Variants in KRTAP26-1 observed in about 807,000 individuals in gnomAD.
KRTAP26-1 encodes the protein keratin-associated protein 26-1.
For missense variants in KRTAP26-1, 273 were observed against 260.9 expected (o/e 1.05, Z -0.32); for synonymous variants, 111 against 103.3 (o/e 1.07, Z -0.45).
rs1981655951 is a variant in KRTAP26-1 at position 30,320,116 on chromosome 21, C to T, written c.-81G>A. The T allele has an allele frequency of 1.7e-6, 2 of 1,166,690 alleles. No individual in the cohort carries two copies. Among genetic ancestry groups the T allele is most frequent in the African/African-American group, 1.6e-5 (1 of 63,888 alleles). 72.3% of individuals were successfully genotyped at this position (1,166,690 alleles called of 1,614,324 possible). A position where few individuals can be genotyped will look rare whatever the true frequency, so the allele number is the denominator to read the frequency against. ...TGTTCTGCCCTTCCTTAGCTTGACC[C>T]TTTATTTATCCCTAGAAGGTGGTGC... is the stretch of plus-strand genomic sequence containing the variant. On this transcript the variant is annotated 5_prime_UTR_variant, in exon 1 of 1. Transcript: ENST00000360542.
rs1183803344 is a variant in KRTAP26-1, at chr21:30,319,331, AG to A, written c.*71del. ...CAGTTGCTACTAGCAAAGAAGCAAA[AG>A]TCCATGGAGTTTGAATTTTTGTTGT... On this transcript the variant is annotated 3_prime_UTR_variant, in exon 1 of 1. Transcript: ENST00000360542. 1.6e-5 allele frequency: 23 copies of A among 1,447,636 alleles called. No homozygotes were observed. The highest frequency in any genetic ancestry group is 2.0e-5 in the Non-Finnish European group (22 of 1,084,264). The allele number at this position is 1,447,636 out of a possible 1,614,324, so 89.7% of individuals were successfully genotyped here. A position where few individuals can be genotyped will look rare whatever the true frequency, so the allele number is the denominator to read the frequency against.
rs745349741 is a variant in KRTAP26-1, at chr21:30,319,621, C to G, written c.415G>C (p.Val139Leu). The change falls in exon 1 of 1, where the codon GTG becomes CTG. Residue 139 changes from valine (V) to leucine (L), a missense_variant. Physicochemically the swap from Val to Leu is conservative, Grantham distance 32 (BLOSUM62 1). Transcript: ENST00000360542. ...LNSYQPIGDCVPNAYRPQFCL... is the reference protein window; with the variant it reads ...LNSYQPIGDCLPNAYRPQFCL... ...AATTGGGGGCGATAGGCATTGGGCA[C>G]ACAGTCTCCTATGGGCTGGTAACTA... 6.2e-7 allele frequency: 1 copy of G among 1,613,906 alleles called. No individual in the cohort carries two copies. The highest frequency in any genetic ancestry group is 8.5e-7 in the Non-Finnish European group (1 of 1,179,952).
Position 30,319,832 on chromosome 21 carries a change from C to T in KRTAP26-1, c.204G>A (p.Pro68=), listed in dbSNP as rs147345653. 2.7e-5 allele frequency: 43 copies of T among 1,613,670 alleles called. No individual in the cohort carries two copies. Among genetic ancestry groups the T allele is most frequent in the Admixed American group, 1.0e-4 (6 of 59,976 alleles). ...CAAGATTGCCGGTCTCACAGTGGAC[C>T]GGCTGGCAGCTGGTTGGTTCACCGC... The part of the protein sequence containing the change: ...ETCGEPTSCQ[P]VHCETGNLET... The change falls in exon 1 of 1, where the codon CCG becomes CCA. Residue 68 remains proline, a synonymous_variant. Coordinates refer to ENST00000360542, the MANE Select transcript of KRTAP26-1 (RefSeq NM_203405.2).
chr21:30,319,511 AC>A, the KRTAP26-1 span: 1 of 1,613,818 alleles, frequency 6.2e-7, no homozygotes, highest in African/African-American at 1.3e-5. Context: ...CAACGTGAAG[AC>A]TTTGAGGACG....
rs768888183 is a variant in KRTAP26-1, at chr21:30,319,772, C to T, written c.264G>A (p.Val88=). The change falls in exon 1 of 1, where the codon GTG becomes GTA. Residue 88 remains valine, a synonymous_variant. Transcript: ENST00000360542. ...AACTGCTTCCTTGGCAAGGCCTGGG[C>T]ACGTAGTAAGCAGTGGAAGAACCGC... ...TSCGSSTAYY[V]PRPCQGSSFL... The T allele has an allele frequency of 6.2e-7, 1 of 1,613,896 alleles. No homozygotes were observed. The highest frequency in any genetic ancestry group is 2.2e-5 in the East Asian group (1 of 44,868).
chr21:30,320,242 C>T lies in KRTAP26-1; in HGVS notation c.-207G>A. The T allele has an allele frequency of 2.1e-6, 1 of 484,270 alleles. No homozygotes were observed. The highest frequency in any genetic ancestry group is 3.8e-6 in the Non-Finnish European group (1 of 264,936). 30.0% of individuals were successfully genotyped at this position (484,270 alleles called of 1,614,324 possible). A position where few individuals can be genotyped will look rare whatever the true frequency, so the allele number is the denominator to read the frequency against. On this transcript the variant is annotated 5_prime_UTR_variant, in exon 1 of 1. Coordinates refer to ENST00000360542, the MANE Select transcript of KRTAP26-1 (RefSeq NM_203405.2). The stretch of plus-strand genomic sequence containing the variant: ...TCCACCCTCCATAAAACTGGATGCT[C>T]CTTGCAATGCCATCCATTGATTACG...
At position 30,319,839 on chromosome 21, in the gene KRTAP26-1, C is replaced by A; in HGVS notation, c.197G>T (p.Cys66Phe). ...GCCGGTCTCACAGTGGACCGGCTGG[C>A]AGCTGGTTGGTTCACCGCAGGTCTC... ...CQETCGEPTS[C>F]QPVHCETGNL... Residue 66 changes from cysteine (C) to phenylalanine (F), a missense_variant, in exon 1 of 1, where the codon TGC becomes TTC. By Grantham distance (205) the Cys-to-Phe change is radical. Transcript: ENST00000360542. 6.2e-7 allele frequency: 1 copy of A among 1,613,926 alleles called. No individual in the cohort carries two copies. Among genetic ancestry groups the A allele is most frequent in the Admixed American group, 1.7e-5 (1 of 60,004 alleles).
chr21:30,319,725 G>C lies in KRTAP26-1; in HGVS notation c.311C>G (p.Ser104Cys). 6.2e-7 allele frequency: 1 copy of C among 1,614,080 alleles called. No individual in the cohort carries two copies. Among genetic ancestry groups the C allele is most frequent in the Non-Finnish European group, 8.5e-7 (1 of 1,179,998 alleles). The change falls in exon 1 of 1, where the codon TCC (serine) becomes TGC (cysteine). Residue 104 changes from serine to cysteine, a missense_variant. By Grantham distance (112) the Ser-to-Cys change is moderately radical (BLOSUM62 -1). Transcript: ENST00000360542. ...ACAGGATACTGGAAGGCAGGAACTG[G>C]AGAAGAAAGAAGCAGGAAGAAAACT... ...GSSFLPASFFSSSCLPVSCRP... is the reference protein window; with the variant it reads ...GSSFLPASFFCSSCLPVSCRP...
rs769150089 is a variant in KRTAP26-1, at chr21:30,319,521, C to T, written c.515G>A (p.Arg172His). 2.1e-5 allele frequency: 34 copies of T among 1,613,704 alleles called. No individual in the cohort carries two copies. The highest frequency in any genetic ancestry group is 2.8e-5 in the Non-Finnish European group (33 of 1,179,964). Residue 172 changes from arginine (R) to histidine (H), a missense_variant, in exon 1 of 1, where the codon CGT (arginine) becomes CAT (histidine). By Grantham distance (29) the Arg-to-His change is conservative. Coordinates refer to ENST00000360542, the MANE Select transcript of KRTAP26-1 (RefSeq NM_203405.2). ...GGACACAACGTGAAGACTTTGAGGA[C>T]GATAGGCCAAGCAACTCGAGGGTTG... ...GCQPSSCLAY[R>H]PQSLHVVSSS...
At position 30,320,170 on chromosome 21, in the gene KRTAP26-1, T is replaced by C; in HGVS notation, c.-135A>G. ...TGCGTGCAGACTCTTCCTCTTGTTG[T>C]ATGAAGATGCATCAGAACTCTTTAT... On this transcript the variant is annotated 5_prime_UTR_variant, in exon 1 of 1. It adds an upstream start codon to the 5' untranslated region. Transcript: ENST00000360542. 1.5e-6 allele frequency: 1 copy of C among 668,738 alleles called. No homozygotes were observed. The highest frequency in any genetic ancestry group is 2.5e-5 in the South Asian group (1 of 40,660). 41.4% of individuals were successfully genotyped at this position (668,738 alleles called of 1,614,324 possible). A position where few individuals can be genotyped will look rare whatever the true frequency, so the allele number is the denominator to read the frequency against.
chr21:30,319,290 T>G lies in KRTAP26-1; in HGVS notation c.*113A>C. 9.0e-7 allele frequency: 1 copy of G among 1,106,456 alleles called. No individual in the cohort carries two copies. The highest frequency in any genetic ancestry group is 1.3e-6 in the Non-Finnish European group (1 of 779,494). The allele number at this position is 1,106,456 out of a possible 1,614,324, so 68.5% of individuals were successfully genotyped here. ...GCAGCTTGCATTAGATCAGGCACAGTAAAACTAAGAAACATCAGTTGCTAC... is the reference window on the plus strand; with the variant it reads ...GCAGCTTGCATTAGATCAGGCACAGGAAAACTAAGAAACATCAGTTGCTAC... On this transcript the variant is annotated 3_prime_UTR_variant, in exon 1 of 1. Coordinates refer to ENST00000360542, the MANE Select transcript of KRTAP26-1 (RefSeq NM_203405.2).
At position 30,319,798 on chromosome 21, in the gene KRTAP26-1, A is replaced by T; in HGVS notation, c.238T>A (p.Cys80Ser). 1 of 1,613,676 alleles carries T rather than the reference A, an allele frequency of 6.2e-7. No homozygotes were observed. The highest frequency in any genetic ancestry group is 8.5e-7 in the Non-Finnish European group (1 of 1,179,754). The change falls in exon 1 of 1, where the codon TGC (cysteine) becomes AGC (serine). Residue 80 changes from cysteine (C) to serine (S), a missense_variant. Coordinates refer to ENST00000360542, the MANE Select transcript of KRTAP26-1 (RefSeq NM_203405.2). ...HCETGNLETS[C>S]GSSTAYYVPR... ...ACGTAGTAAGCAGTGGAAGAACCGC[A>T]AGAGGTTTCAAGATTGCCGGTCTCA...
At position 30,320,011 on chromosome 21, in the gene KRTAP26-1, C is replaced by T. The variant is rs969412433; in HGVS notation, c.25G>A (p.Gly9Arg). The T allele has an allele frequency of 9.3e-6, 15 of 1,605,794 alleles. No individual in the cohort carries two copies. The highest frequency in any genetic ancestry group is 1.3e-5 in the African/African-American group (1 of 74,742). ...CTGAGAGATCCTGAGTTGGAGTTTCCCGAGCAGTAGTTGGGGCAAGACATA... is the reference window on the plus strand; with the variant it reads ...CTGAGAGATCCTGAGTTGGAGTTTCTCGAGCAGTAGTTGGGGCAAGACATA... MSCPNYCS[G>R]NSNSGSLRTS... Residue 9 changes from glycine (G) to arginine (R), a missense_variant, in exon 1 of 1, where the codon GGA becomes AGA. Coordinates refer to ENST00000360542, the MANE Select transcript of KRTAP26-1 (RefSeq NM_203405.2).
chr21:30,319,474 G>A lies in KRTAP26-1; in HGVS notation c.562C>T (p.Pro188Ser). 1 of 1,613,958 alleles carries A rather than the reference G, an allele frequency of 6.2e-7. No individual in the cohort carries two copies. Among genetic ancestry groups the A allele is most frequent in the Non-Finnish European group, 8.5e-7 (1 of 1,179,954 alleles). The stretch of plus-strand genomic sequence containing the variant: ...AGAGGTTGGCAACCACTGAACAGAG[G>A]CCCCAGAGGTCTGAGGCTGCTGGAC... The part of the protein sequence containing the change: ...VVSSSLRPLG[P>S]LFSGCQPLTH... The change falls in exon 1 of 1, where the codon CCT becomes TCT. Residue 188 changes from proline to serine, a missense_variant. Coordinates refer to ENST00000360542, the MANE Select transcript of KRTAP26-1 (RefSeq NM_203405.2).
chr21:30,320,042 G>A lies in KRTAP26-1; in HGVS notation c.-7C>T. 1.3e-6 allele frequency: 2 copies of A among 1,569,872 alleles called. No homozygotes were observed. The highest frequency in any genetic ancestry group is 1.7e-6 in the Non-Finnish European group (2 of 1,155,796). ...AGTAGTTGGGGCAAGACATAGTGAG[G>A]TTGTGAGAGCAGGCTGAAGTTGAGG... On this transcript the variant is annotated 5_prime_UTR_variant, in exon 1 of 1. Transcript: ENST00000360542.
rs1384983955 is a variant in KRTAP26-1 at position 30,319,868 on chromosome 21, G to A, written c.168C>T (p.Cys56=). 1 of 1,614,160 alleles carries A rather than the reference G, an allele frequency of 6.2e-7. No homozygotes were observed. Among genetic ancestry groups the A allele is most frequent in the Admixed American group, 1.7e-5 (1 of 60,024 alleles). Residue 56 remains cysteine, a synonymous_variant, in exon 1 of 1, where the codon TGC becomes TGT. Transcript: ENST00000360542. ...SQDHTWVTDN[C]QETCGEPTSC... ...TGGTTGGTTCACCGCAGGTCTCTTG[G>A]CAGTTGTCTGTGACCCAGGTATGGT...
Position 30,319,918 on chromosome 21 carries a change from G to A in KRTAP26-1, c.118C>T (p.Leu40Phe), listed in dbSNP as rs267606098. 162 of 1,614,146 alleles carry A rather than the reference G, an allele frequency of 1.0e-4. 2 individuals are homozygous for A. The Admixed American group carries it at 2.6e-3, about 26-fold the overall frequency. The change falls in exon 1 of 1, where the codon CTC becomes TTC. Residue 40 changes from leucine (L) to phenylalanine (F), a missense_variant. Transcript: ENST00000360542. ...CPTSVSCGDV[L>F]YLPTSSQDHT... ...TCTTGAGAGCTAGTGGGTAAGTAGA[G>A]GACATCTCCACAGCTCACGCTGGTA...
rs151024846 is a variant in KRTAP26-1, at chr21:30,319,726, A to C, written c.310T>G (p.Ser104Ala). 3.2e-5 allele frequency: 52 copies of C among 1,614,072 alleles called. No homozygotes were observed. The African/African-American group carries it at 4.9e-4, about 15-fold the overall frequency. ...CAGGATACTGGAAGGCAGGAACTGG[A>C]GAAGAAAGAAGCAGGAAGAAAACTG... ...GSSFLPASFF[S>A]SSCLPVSCRP... The change falls in exon 1 of 1, where the codon TCC (serine) becomes GCC (alanine). Residue 104 changes from serine to alanine, a missense_variant. Coordinates refer to ENST00000360542, the MANE Select transcript of KRTAP26-1 (RefSeq NM_203405.2).
At position 30,319,463 on chromosome 21, in the gene KRTAP26-1, A is replaced by G. The variant is rs1468308632; in HGVS notation, c.573T>C (p.Ser191=). The G allele has an allele frequency of 3.1e-6, 5 of 1,613,934 alleles. No individual in the cohort carries two copies. In the South Asian group the frequency reaches 5.5e-5, roughly 18 times the overall value. Residue 191 remains serine (S), a synonymous_variant, in exon 1 of 1, where the codon AGT becomes AGC. Coordinates refer to ENST00000360542, the MANE Select transcript of KRTAP26-1 (RefSeq NM_203405.2). The part of the protein sequence containing the change: ...SSLRPLGPLF[S]GCQPLTHVFS... Reference sequence around the variant, plus strand: ...ACACATGGGTCAGAGGTTGGCAACCACTGAACAGAGGCCCCAGAGGTCTGA... The same window carrying G: ...ACACATGGGTCAGAGGTTGGCAACCGCTGAACAGAGGCCCCAGAGGTCTGA...
Sources: allele counts gnomAD v4.1 joint callset, GRCh38; gene constraint gnomAD v4.1.1; transcripts MANE v1.5; gene names NCBI Gene and HGNC (gene_info 2026-07-23, HGNC 2026-07-21).